The following PRKG1 variants were observed in gnomAD, a reference collection of about 807,000 sequenced individuals.
PRKG1 encodes protein kinase cGMP-dependent 1.
Under a neutral mutation model 88.1 loss-of-function variants are expected in PRKG1, and 35 were observed. That is an observed-to-expected ratio of 0.40 (90% CI 0.30 to 0.53). PRKG1 has a LOEUF of 0.53. Among genes scored for constraint, PRKG1 ranks in the 20% least tolerant of loss-of-function variants. The pLI is 0.59. For missense variants in PRKG1, 540 were observed against 839.8 expected (o/e 0.64, Z 4.41); for synonymous variants, 303 against 292.5 (o/e 1.04, Z -0.37).
chr10:51,945,008 C>T (rs1191944056), intron 5 of PRKG1, among the ~76,000 whole-genome samples: 4 of 150,834 alleles, frequency 2.7e-5, no homozygotes, highest in Non-Finnish European at 5.9e-5. Flanking sequence ...CCTGGGTATC[C>T]TTGTTAACTT....
chr10:52,143,689 A>G (rs1388293354), intron 8 of PRKG1, among the ~76,000 whole-genome samples: 4 of 152,214 alleles, frequency 2.6e-5, no homozygotes, highest in Non-Finnish European at 4.4e-5. Context: ...AGAAACCTCA[A>G]GAGCCTACCA....
chr10:51,077,888 G>A (rs572787077), intron 1 of PRKG1, among the ~76,000 whole-genome samples: 1 of 152,220 alleles, frequency 6.6e-6, no homozygotes, highest in Non-Finnish European at 1.5e-5. Flanking sequence ...CCCTTAAAAT[G>A]AAAAACAAAA....
chr10:52,064,696 G>C (rs1218877350), intron 7 of PRKG1, among the ~76,000 whole-genome samples: 1 of 152,164 alleles, frequency 6.6e-6, no homozygotes, highest in Admixed American at 6.5e-5. Flanking sequence ...GCCCACAGTC[G>C]TGGCTTAGGC....
At chr10:51,929,013 T>C (rs567942664) in intron 5 of PRKG1, among the ~76,000 whole-genome samples, 1 of 152,280 alleles carries the variant, frequency 6.6e-6, no homozygotes, top group East Asian at 1.9e-4. Flanking sequence ...TAGTCATAAA[T>C]ACACCCCATA....
At chr10:51,387,597 G>A (rs1429779214) in intron 2 of PRKG1, among the ~76,000 whole-genome samples, 3 of 152,004 alleles carry the variant, frequency 2.0e-5, no homozygotes, top group Non-Finnish European at 4.4e-5. Context: ...GGAAGGCTTG[G>A]TACCTGAATT....
intron 3 of PRKG1, among the ~76,000 whole-genome samples, chr10:51,629,447 G>A (rs1176698341): frequency 6.6e-6 from 1 of 151,650 alleles, no homozygotes; most frequent in Non-Finnish European, 1.5e-5. Context: ...GCAACTAGAT[G>A]GTCCCATCTG....
At chr10:52,185,964 C>T (rs567283456) in intron 9 of PRKG1, among the ~76,000 whole-genome samples, 8 of 152,258 alleles carry the variant, frequency 5.3e-5, no homozygotes, top group Admixed American at 6.5e-5. Flanking sequence ...CGCCTTTGGG[C>T]CTGTGATGGG....
intron 2 of PRKG1, among the ~76,000 whole-genome samples, chr10:51,330,317 A>G (rs1841707571): frequency 1.3e-5 from 2 of 151,440 alleles, no homozygotes; most frequent in East Asian, 3.9e-4. Flanking sequence ...TGCCTGGCTA[A>G]TTTTTGTATT....
chr10:51,544,742 G>C (rs1031870444), intron 3 of PRKG1, among the ~76,000 whole-genome samples: 7 of 151,956 alleles, frequency 4.6e-5, no homozygotes, highest in South Asian at 4.1e-4. Context: ...TTTAATGATC[G>C]CCATTCTAAC....
chr10:51,067,195 A>G (rs1236049611), intron 1 of PRKG1, among the ~76,000 whole-genome samples: 1 of 150,990 alleles, frequency 6.6e-6, no homozygotes, highest in African/African-American at 2.4e-5. Flanking sequence ...GTGGGATAGG[A>G]TGGGATGTTA....
chr10:51,620,647 G>A (rs1839181727), intron 3 of PRKG1, among the ~76,000 whole-genome samples: 1 of 151,950 alleles, frequency 6.6e-6, no homozygotes, highest in Admixed American at 6.6e-5. Context: ...TATTCCTATT[G>A]TTTCTACTTA....
intron 3 of PRKG1, among the ~76,000 whole-genome samples, chr10:51,750,840 A>G (rs906589225): frequency 6.6e-6 from 1 of 152,184 alleles, no homozygotes; most frequent in Non-Finnish European, 1.5e-5. Context: ...ATACCCATTA[A>G]CAACCCCTTT....
chr10:52,005,044 T>C (rs1361924949), intron 5 of PRKG1, among the ~76,000 whole-genome samples: 2 of 152,126 alleles, frequency 1.3e-5, no homozygotes, highest in African/African-American at 2.4e-5. Context: ...CAACAAAATA[T>C]ATTTTCTTCC....
intron 1 of PRKG1, among the ~76,000 whole-genome samples, chr10:51,057,044 A>T (rs534780980): frequency 1.3e-5 from 2 of 152,370 alleles, no homozygotes; most frequent in Admixed American, 1.3e-4. Context: ...TACCTGAGTT[A>T]TACACATTTA....
At chr10:52,286,570 G>T (rs150813744) in intron 14 of PRKG1, among the ~76,000 whole-genome samples, 1 of 151,900 alleles carries the variant, frequency 6.6e-6, no homozygotes, top group Non-Finnish European at 1.5e-5. Flanking sequence ...GTAGTCTTTG[G>T]CAATCTTAAA....
chr10:52,286,897 T>C (rs1842128453), intron 14 of PRKG1, among the ~76,000 whole-genome samples: 1 of 152,000 alleles, frequency 6.6e-6, no homozygotes, highest in East Asian at 1.9e-4. Flanking sequence ...ATCCTGTGTG[T>C]CTACAATCTA....
At chr10:51,026,078 A>G (rs1843201035) in intron 1 of PRKG1, among the ~76,000 whole-genome samples, 1 of 152,136 alleles carries the variant, frequency 6.6e-6, no homozygotes, top group African/African-American at 2.4e-5. Flanking sequence ...TGATGTGTCT[A>G]CAAGCCAAAG....
chr10:52,066,213 C>G (rs1380175487), intron 7 of PRKG1, among the ~76,000 whole-genome samples: 14 of 152,136 alleles, frequency 9.2e-5, no homozygotes, highest in African/African-American at 3.4e-4. Flanking sequence ...ACCACCCTTT[C>G]TTTCTTTAAA....
Position 51,553,872 on chromosome 10 carries a change from G to A in PRKG1, c.592+86036G>A, listed in dbSNP as rs987941471. 2.8e-4 allele frequency among the ~76,000 whole-genome samples: 28 copies of A among 99,420 alleles called. No individual in the cohort carries two copies. In the East Asian group the frequency reaches 6.9e-3, roughly 24 times the overall value. The allele number at this position is 99,420 out of a possible 152,430, so 65.2% of individuals were successfully genotyped here. A position where few individuals can be genotyped will look rare whatever the true frequency, so the allele number is the denominator to read the frequency against. ...AGATACGTGTATATAATATATGTAT[G>A]TATTAGATACGTGTATATAATATAT... On this transcript the variant is annotated intron_variant, in intron 3 of 17. Coordinates refer to ENST00000373980, the MANE Select transcript of PRKG1 (RefSeq NM_006258.4).
Sources: allele counts gnomAD v4.1 joint callset (sites outside exome capture counted in the v4.1 genomes callset), GRCh38; gene constraint gnomAD v4.1.1; transcripts MANE v1.5; gene names NCBI Gene and HGNC (gene_info 2026-07-23, HGNC 2026-07-21).